The following UBE4B variants were observed in gnomAD, a reference collection of about 807,000 sequenced individuals.
The protein encoded by UBE4B is ubiquitin conjugation factor E4 B.
UBE4B carries 27 observed loss-of-function variants against 148.1 expected under a neutral mutation model. The ratio of observed to expected loss-of-function variants is 0.18; its 90% confidence interval spans 0.13 to 0.25. The LOEUF is 0.25. Ranked by LOEUF, UBE4B falls within the 10% of genes least tolerant of loss-of-function variation. The pLI is 1.00. For synonymous variants in UBE4B, 596 were observed against 619.3 expected, an observed-to-expected ratio of 0.96 and a Z score of 0.56; for missense variants, 1,170 against 1,662.4, an observed-to-expected ratio of 0.70 and a Z score of 5.15.
At chr1:10,039,544 C>T (rs918537412) in intron 1 of UBE4B, among the ~76,000 whole-genome samples, 3 of 151,996 alleles carry the variant, frequency 2.0e-5, no homozygotes, top group East Asian at 1.9e-4. Context: ...ATTCTCCTGC[C>T]TCAGCCTCCC....
intron 7 of UBE4B, among the ~76,000 whole-genome samples, chr1:10,113,218 G>A (rs1304620713): frequency 6.6e-6 from 1 of 152,134 alleles, no homozygotes; most frequent in African/African-American, 2.4e-5. Context: ...AGAGGAGGAG[G>A]ATGTCCCAGA....
rs1438677451 is a variant in UBE4B at position 10,179,821 on chromosome 1, A to G, written c.3848-74A>G. The G allele has an allele frequency of 7.6e-6, 12 of 1,575,336 alleles. No homozygotes were observed. The East Asian group carries it at 2.5e-4, about 32-fold the overall frequency. On this transcript the variant is annotated intron_variant, in intron 27 of 27. Transcript: ENST00000343090. ...AATGGCCTTTTCTTCCCATTTATAC[A>G]GAGCGACAAGCATCCTCTCTCAGGA...
Position 10,050,152 on chromosome 1 carries a change from A to G in UBE4B, c.24+16458A>G, listed in dbSNP as rs934656605. Among the ~76,000 whole-genome samples, 4 of 151,814 alleles carry G rather than the reference A, an allele frequency of 2.6e-5. No individual in the cohort carries two copies. In the South Asian group the frequency reaches 8.3e-4, roughly 32 times the overall value. On this transcript the variant is annotated intron_variant, in intron 1 of 27. Transcript: ENST00000343090. ...GCAGTGGCGCTCTTGGCTCACTGCAACCTCCACTTCTGGGGTTCAAGCAAT... is the reference window on the plus strand; with the variant it reads ...GCAGTGGCGCTCTTGGCTCACTGCAGCCTCCACTTCTGGGGTTCAAGCAAT...
intron 20 of UBE4B, among the ~76,000 whole-genome samples, chr1:10,149,593 A>G (rs567695589): frequency 6.6e-6 from 1 of 152,346 alleles, no homozygotes; most frequent in South Asian, 2.1e-4. Context: ...GTCTGAATGA[A>G]CATCCCAAAA....
At position 10,083,976 on chromosome 1, in the gene UBE4B, G is replaced by C. The variant is rs536102046; in HGVS notation, c.212-11485G>C. ...AGTGCTGGGAATCAATACACTTCCTGTTTTGACTTGGGGTTGATTCTTGCA... is the reference window on the plus strand; with the variant it reads ...AGTGCTGGGAATCAATACACTTCCTCTTTTGACTTGGGGTTGATTCTTGCA... On this transcript the variant is annotated intron_variant, in intron 2 of 27. Transcript: ENST00000343090. Among the ~76,000 whole-genome samples the C allele has an allele frequency of 9.9e-5, 15 of 152,266 alleles. No homozygotes were observed. In the South Asian group the frequency reaches 3.1e-3, roughly 32 times the overall value.
chr1:10,178,863 T>C lies in UBE4B; in HGVS notation c.3700+45T>C, dbSNP rs368127453. The stretch of plus-strand genomic sequence containing the variant: ...TCATGCTGATTTCTTTTGAGTTAAC[T>C]GGAAATCGATAACATTACAAGAGGA... On this transcript the variant is annotated intron_variant, in intron 26 of 27. Transcript: ENST00000343090. 57 of 1,545,568 alleles carry C rather than the reference T, an allele frequency of 3.7e-5. No individual in the cohort carries two copies. The Middle Eastern group carries it at 1.6e-3, about 44-fold the overall frequency.
intron 2 of UBE4B, among the ~76,000 whole-genome samples, chr1:10,082,632 CTTT>C (rs5772395): frequency 4.7e-5 from 5 of 105,908 alleles, no homozygotes; most frequent in Admixed American, 9.9e-5. Context: ...AAGAAGGCGA[CTTT>C]TTTTTTTTTT....
chr1:10,066,943 C>G (rs1393568160), intron 1 of UBE4B, among the ~76,000 whole-genome samples: 1 of 152,076 alleles, frequency 6.6e-6, no homozygotes, highest in Non-Finnish European at 1.5e-5. Flanking sequence ...TTATTGTCAT[C>G]TTTCCAAGGA....
intron 1 of UBE4B, chr1:10,054,518 G>T: frequency 2.7e-6 from 1 of 374,104 alleles, no homozygotes; most frequent in Non-Finnish European, 5.1e-6. Flanking sequence ...GTGCTTCTCT[G>T]GTACCTTTCT....
At chr1:10,070,263 A>G (rs1570820438) in intron 1 of UBE4B, among the ~76,000 whole-genome samples, 1 of 151,394 alleles carries the variant, frequency 6.6e-6, no homozygotes, top group East Asian at 1.9e-4. Flanking sequence ...GACAAGAGCG[A>G]AACTCCGTCT....
At chr1:10,077,422 A>G (rs1644603173) in intron 2 of UBE4B, among the ~76,000 whole-genome samples, 1 of 152,150 alleles carries the variant, frequency 6.6e-6, no homozygotes, top group Non-Finnish European at 1.5e-5. Flanking sequence ...TACGTCTGCT[A>G]AGACCCTCCT....
In UBE4B at chr1:10,161,356, T is replaced by C. The variant is rs1646156758; in HGVS notation, c.3198+70T>C. ...GCCTCCACACACGGGCAGAGCTGCT[T>C]TGGGGCTGCATTTGTGGGTCTGATG... On this transcript the variant is annotated intron_variant, in intron 23 of 27. Transcript: ENST00000343090. This position sits in a 1 kb window ranked among gnomAD's most constrained non-coding sequence, Gnocchi z 4.1. 6.4e-7 allele frequency: 1 copy of C among 1,553,734 alleles called. No individual in the cohort carries two copies. Among genetic ancestry groups the C allele is most frequent in the Non-Finnish European group, 8.7e-7 (1 of 1,144,892 alleles).
intron 1 of UBE4B, among the ~76,000 whole-genome samples, chr1:10,056,516 G>T (rs370717432): frequency 6.6e-6 from 1 of 152,270 alleles, no homozygotes; most frequent in East Asian, 1.9e-4. Flanking sequence ...TGCTCTCTTG[G>T]AGCTTGTATT....
At position 10,179,454 on chromosome 1, in the gene UBE4B, C is replaced by G. The variant is rs774771590; in HGVS notation, c.3739C>G (p.Leu1247Val). The G allele has an allele frequency of 1.2e-6, 2 of 1,614,096 alleles. No individual in the cohort carries two copies. Among genetic ancestry groups the G allele is most frequent in the Non-Finnish European group, 1.7e-6 (2 of 1,180,038 alleles). ...CACCCTCATGACAGACCCCGTGCGGCTGCCCTCTGGCACCATCATGGACCG... is the reference window on the plus strand; with the variant it reads ...CACCCTCATGACAGACCCCGTGCGGGTGCCCTCTGGCACCATCATGGACCG... ...MDTLMTDPVR[L>V]PSGTIMDRSI... The change falls in exon 27 of 28, where the codon CTG (leucine) becomes GTG (valine). Residue 1247 changes from leucine (L) to valine (V), a missense_variant. Around this residue, in one of 6 missense-constraint regions of UBE4B, gnomAD observed 348 missense variants for 627.2 expected, o/e 0.55. Transcript: ENST00000343090.
At chr1:10,123,910 A>G (rs968543362) in intron 10 of UBE4B, among the ~76,000 whole-genome samples, 1 of 152,002 alleles carries the variant, frequency 6.6e-6, no homozygotes, top group African/African-American at 2.4e-5. Context: ...AGTAGCTGGG[A>G]TTACAGGCGC....
intron 8 of UBE4B, among the ~76,000 whole-genome samples, chr1:10,118,113 A>C (rs1228415167): frequency 1.3e-5 from 2 of 152,190 alleles, no homozygotes; most frequent in African/African-American, 2.4e-5. Flanking sequence ...AATAAGTTGC[A>C]AGGCTGGGCT....
At chr1:10,127,573 A>AGT (rs1398778657) in intron 11 of UBE4B, among the ~76,000 whole-genome samples, 2 of 152,258 alleles carry the variant, frequency 1.3e-5, no homozygotes, top group Non-Finnish European at 2.9e-5. Flanking sequence ...TCGTTGCAGA[A>AGT]GTGTAAAGGA....
chr1:10,099,959 G>A (rs1644982711), intron 3 of UBE4B, among the ~76,000 whole-genome samples: 1 of 151,966 alleles, frequency 6.6e-6, no homozygotes, highest in Non-Finnish European at 1.5e-5. Context: ...CTTCAGTTGA[G>A]TTTTTTATTT....
chr1:10,102,436 G>A (rs568157474), intron 4 of UBE4B, among the ~76,000 whole-genome samples: 1 of 101,470 alleles, frequency 9.9e-6, no homozygotes, highest in African/African-American at 4.0e-5. Context: ...TTTGAGACAG[G>A]GCCTCACTCT....
Sources: allele counts gnomAD v4.1 joint callset (sites outside exome capture counted in the v4.1 genomes callset), GRCh38; gene constraint gnomAD v4.1.1; regional missense constraint gnomAD v4.1.1; non-coding constraint Gnocchi (gnomAD v3.1); transcripts MANE v1.5; gene names NCBI Gene and HGNC (gene_info 2026-07-23, HGNC 2026-07-21).